SEMA6D: variants seen among roughly 807,000 people sequenced by gnomAD.
The protein encoded by SEMA6D is semaphorin 6D.
SEMA6D carries 35 observed loss-of-function variants against 106.6 expected under a neutral mutation model. That is an observed-to-expected ratio of 0.33 (90% confidence interval 0.25 to 0.44). The LOEUF is 0.44. Ranked by LOEUF, SEMA6D falls within the 20% of genes least tolerant of loss-of-function variation. The pLI is 1.00. For synonymous variants in SEMA6D, 499 were observed against 487.7 expected (o/e 1.02, Z -0.31); for missense variants, 1,185 against 1,345.9 (o/e 0.88, Z 1.87).
At chr15:47,291,950 C>G (rs1184509033) in intron 1 of SEMA6D, among the ~76,000 whole-genome samples, 1 of 152,160 alleles carries the variant, frequency 6.6e-6, no homozygotes, top group Non-Finnish European at 1.5e-5. Context: ...TTAACATGCT[C>G]CACCTGTTGA....
intron 4 of SEMA6D, among the ~76,000 whole-genome samples, chr15:47,617,191 C>A (rs2144078385): frequency 6.6e-6 from 1 of 152,252 alleles, no homozygotes; most frequent in Non-Finnish European, 1.5e-5. Context: ...CCAGTCTCTT[C>A]CAAGGTTACC....
At chr15:47,285,286 C>A (rs1015359808) in intron 1 of SEMA6D, among the ~76,000 whole-genome samples, 5 of 151,838 alleles carry the variant, frequency 3.3e-5, no homozygotes, top group African/African-American at 7.3e-5. Flanking sequence ...TTTAACCTTT[C>A]TAGTGGCTGA....
chr15:47,367,709 CACACACACACACACACACAG>C (rs1211088031), intron 1 of SEMA6D, among the ~76,000 whole-genome samples: 27 of 151,536 alleles, frequency 1.8e-4, no homozygotes, highest in African/African-American at 5.6e-4. Flanking sequence ...CACACACACA[CACACACACACACACACACAG>C]AGAGAGAGAA....
chr15:47,495,260 T>G lies in SEMA6D; in HGVS notation c.-87+24715T>G, dbSNP rs554828843. ...AATGTAGCTTTCCTTTGCTATATTT[T>G]TTTTTTAGAAAAGAAAGAAAACTTT... On this transcript the variant is annotated intron_variant, in intron 3 of 19. Coordinates refer to the SEMA6D transcript ENST00000558014. Among the ~76,000 whole-genome samples the G allele has an allele frequency of 1.5e-4, 23 of 152,180 alleles. No individual in the cohort carries two copies. The South Asian group carries it at 4.8e-3, about 31-fold the overall frequency.
intron 2 of SEMA6D, among the ~76,000 whole-genome samples, chr15:47,423,623 C>G (rs1424687185): frequency 6.6e-6 from 1 of 150,646 alleles, no homozygotes; most frequent in African/African-American, 2.4e-5. Flanking sequence ...TTTTTTTTTT[C>G]CTCAAGTGAA....
intron 3 of SEMA6D, among the ~76,000 whole-genome samples, chr15:47,471,929 T>TCACACA (rs1451428855): frequency 1.7e-3 from 179 of 106,018 alleles, no homozygotes; most frequent in Middle Eastern, 0.01. Context: ...TCTCTCTCTC[T>TCACACA]CTCACACACA....
At chr15:47,233,953 T>C (rs1307188809) in intron 1 of SEMA6D, among the ~76,000 whole-genome samples, 2 of 151,976 alleles carry the variant, frequency 1.3e-5, no homozygotes, top group East Asian at 3.9e-4. Flanking sequence ...CAATACAATG[T>C]TGAATACACA....
intron 4 of SEMA6D, among the ~76,000 whole-genome samples, chr15:47,707,820 A>G (rs1047038205): frequency 6.6e-6 from 1 of 152,152 alleles, no homozygotes; most frequent in Non-Finnish European, 1.5e-5. Context: ...CACCATGCCA[A>G]CCCTTTAAAC....
intron 1 of SEMA6D, among the ~76,000 whole-genome samples, chr15:47,200,510 T>C (rs989687439): frequency 6.6e-6 from 1 of 152,202 alleles, no homozygotes; most frequent in African/African-American, 2.4e-5. Flanking sequence ...AGTGCCACTT[T>C]TAATTATAAT....
intron 13 of SEMA6D, chr15:47,765,359 C>T: frequency 8.7e-7 from 1 of 1,155,934 alleles, no homozygotes; most frequent in Non-Finnish European, 1.1e-6. Context: ...CTACATGCAG[C>T]AGACAGCTGT....
intron 3 of SEMA6D, among the ~76,000 whole-genome samples, chr15:47,537,809 A>G (rs2045220681): frequency 6.6e-6 from 1 of 152,186 alleles, no homozygotes; most frequent in Non-Finnish European, 1.5e-5. Flanking sequence ...GTCTGGGATA[A>G]TACATGGCTG....
At chr15:47,760,110 T>C in intron 2 of SEMA6D, 194 bp from the exon 3 acceptor site, 1 of 613,352 alleles carries the variant, frequency 1.6e-6, no homozygotes, top group Non-Finnish European at 2.8e-6. Flanking sequence ...GCAACCTGTA[T>C]ATAGGTTATA....
At chr15:47,314,912 C>T (rs1327849719) in intron 1 of SEMA6D, among the ~76,000 whole-genome samples, 6 of 126,648 alleles carry the variant, frequency 4.7e-5, no homozygotes, top group Non-Finnish European at 9.3e-5. Context: ...GTGGCCCAGG[C>T]GAGAGTGCAG....
Position 47,306,073 on chromosome 15 carries a change from C to G in SEMA6D, c.-238-106320C>G, listed in dbSNP as rs149583734. Among the ~76,000 whole-genome samples, 285 of 152,256 alleles carry G rather than the reference C, an allele frequency of 1.9e-3. 4 individuals carry two copies. The highest frequency in any genetic ancestry group is 6.8e-3 in the Middle Eastern group (2 of 294). ...TTTGGCTCACTGCAATCTCTGCCTC[C>G]TGGGTTCAAGTGATTCTCCTGTCTC... On this transcript the variant is annotated intron_variant, in intron 1 of 19. Transcript: ENST00000558014.
intron 1 of SEMA6D, among the ~76,000 whole-genome samples, chr15:47,390,128 A>C (rs2039976217): frequency 6.6e-6 from 1 of 152,144 alleles, no homozygotes; most frequent in Non-Finnish European, 1.5e-5. Context: ...TCTGGAAATC[A>C]GTTGGAAGGG....
At chr15:47,276,084 G>A (rs1399498682) in intron 1 of SEMA6D, among the ~76,000 whole-genome samples, 1 of 152,122 alleles carries the variant, frequency 6.6e-6, no homozygotes, top group East Asian at 1.9e-4. Flanking sequence ...ATTCTATGAA[G>A]GCTGAGAGAG....
At chr15:47,761,305 T>C (rs762273367) in intron 5 of SEMA6D, 25 bp from the exon 6 acceptor site, 7 of 1,610,088 alleles carry the variant, frequency 4.3e-6, no homozygotes, top group Non-Finnish European at 5.9e-6. Context: ...ATGTCTAATA[T>C]TAATGTAACT....
intron 1 of SEMA6D, among the ~76,000 whole-genome samples, chr15:47,377,470 T>C (rs2145543980): frequency 6.6e-6 from 1 of 152,256 alleles, no homozygotes; most frequent in East Asian, 1.9e-4. Context: ...GGGGTTAAGC[T>C]TTTTCCTGGA....
At chr15:47,528,970 C>T (rs1293592513) in intron 3 of SEMA6D, among the ~76,000 whole-genome samples, 4 of 151,982 alleles carry the variant, frequency 2.6e-5, no homozygotes, top group African/African-American at 7.3e-5. Context: ...ATACTATATA[C>T]CATATTCTTA....
Sources: gnomAD v4.1 joint callset for allele counts (sites outside exome capture counted in the v4.1 genomes callset) on GRCh38, gnomAD v4.1.1 for gene constraint, MANE v1.5 for transcripts, NCBI Gene and HGNC (gene_info 2026-07-23, HGNC 2026-07-21) for gene names.